Variants in CNTN3 observed in about 807,000 individuals in gnomAD.
CNTN3 encodes the protein contactin 3.
CNTN3 carries 60 observed loss-of-function variants against 119.1 expected under a neutral mutation model. The ratio of observed to expected loss-of-function variants is 0.50; its 90% CI spans 0.41 to 0.62. The LOEUF (loss-of-function observed/expected upper bound fraction) is 0.62. Among genes scored for constraint, CNTN3 ranks in the 20% least tolerant of loss-of-function variants. The pLI, the probability that CNTN3 is intolerant of heterozygous loss-of-function variation, is 0.00. For missense variants in CNTN3, 1,101 were observed against 1,242.4 expected (o/e 0.89, Z 1.71); for synonymous variants, 450 against 438.7 (o/e 1.03, Z -0.32).
intron 11 of CNTN3, among the ~76,000 whole-genome samples, chr3:74,351,191 T>C (rs1383847774): frequency 6.6e-6 from 1 of 152,212 alleles, no homozygotes; most frequent in African/African-American, 2.4e-5. Context: ...GCAGATACTT[T>C]ACACACATTA....
chr3:74,443,474 T>C (rs1701999218), intron 4 of CNTN3, among the ~76,000 whole-genome samples: 2 of 152,134 alleles, frequency 1.3e-5, no homozygotes, highest in African/African-American at 2.4e-5. Flanking sequence ...CCTCCCCTCC[T>C]TCAGTGGCTG....
intron 13 of CNTN3, among the ~76,000 whole-genome samples, chr3:74,312,815 T>C (rs1702725912): frequency 6.6e-6 from 1 of 152,092 alleles, no homozygotes; most frequent in Admixed American, 6.6e-5. Flanking sequence ...AATACATAGT[T>C]TGAAGAGACT....
chr3:74,498,274 ATTG>A (rs1388737011), intron 3 of CNTN3, among the ~76,000 whole-genome samples: 1 of 151,878 alleles, frequency 6.6e-6, no homozygotes, highest in Non-Finnish European at 1.5e-5. Flanking sequence ...GGAAAAAAAT[ATTG>A]TTAAGCTGAT....
intron 17 of CNTN3, among the ~76,000 whole-genome samples, chr3:74,298,869 C>T (rs1446927421): frequency 1.6e-5 from 2 of 127,640 alleles, no homozygotes; most frequent in Non-Finnish European, 3.2e-5. Context: ...TCCTGGGTGA[C>T]AGAGAGAGAC....
chr3:74,312,064 T>A (rs775326391), intron 13 of CNTN3, among the ~76,000 whole-genome samples: 16 of 151,578 alleles, frequency 1.1e-4, no homozygotes, highest in Non-Finnish European at 2.1e-4. Flanking sequence ...GTCCTCACAG[T>A]GAATATTGGA....
At chr3:74,369,133 T>A (rs1704273247) in intron 8 of CNTN3, 56 bp downstream of exon 8, 2 of 1,358,532 alleles carry the variant, frequency 1.5e-6, no homozygotes, top group Non-Finnish European at 2.0e-6. Context: ...ACAACCATAT[T>A]TTATAGATGA....
At chr3:74,565,355 T>C (rs1559660221) in intron 1 of CNTN3, among the ~76,000 whole-genome samples, 1 of 152,142 alleles carries the variant, frequency 6.6e-6, no homozygotes, top group Non-Finnish European at 1.5e-5. Flanking sequence ...TCAAAGCACA[T>C]CATTCCAAGC....
chr3:74,527,972 AT>A (rs1014789669), intron 1 of CNTN3, among the ~76,000 whole-genome samples: 8 of 151,828 alleles, frequency 5.3e-5, no homozygotes, highest in Admixed American at 1.3e-4. Context: ...TTTTTGGAAC[AT>A]TTTTTAAGTG....
Position 74,499,706 on chromosome 3 carries a change from T to C in CNTN3, c.135A>G (p.Lys45=), listed in dbSNP as rs1401961244. 1 of 1,611,906 alleles carries C rather than the reference T, an allele frequency of 6.2e-7. No individual in the cohort carries two copies. The highest frequency in any genetic ancestry group is 1.7e-5 in the Admixed American group (1 of 59,888). ...CTCTTGCTTCACAATGCAAAGTTATTTTTTTATCTTCTGAACCAACAGGGA... is the reference window on the plus strand; with the variant it reads ...CTCTTGCTTCACAATGCAAAGTTATCTTTTTATCTTCTGAACCAACAGGGA... ...SIFPVGSEDK[K]ITLHCEARGN... is the part of the protein sequence containing the mutation. Residue 45 remains lysine (K), a synonymous_variant, in exon 3 of 23, where the codon AAA becomes AAG. Transcript: ENST00000263665.
intron 13 of CNTN3, among the ~76,000 whole-genome samples, chr3:74,327,105 C>CT (rs1491284899): frequency 0.037 from 3,337 of 90,638 alleles, 204 homozygotes; most frequent in Non-Finnish European, 0.046. Flanking sequence ...AAGGGTTAAT[C>CT]CTTTTTTTTT....
At chr3:74,613,196 G>T (rs1705111064) in intron 1 of CNTN3, among the ~76,000 whole-genome samples, 1 of 150,820 alleles carries the variant, frequency 6.6e-6, no homozygotes, top group African/African-American at 2.4e-5. Context: ...TACAGATCAG[G>T]ATTCTTTTTC....
intron 4 of CNTN3, among the ~76,000 whole-genome samples, chr3:74,467,517 C>T (rs1160557024): frequency 6.6e-6 from 1 of 152,088 alleles, no homozygotes; most frequent in African/African-American, 2.4e-5. Context: ...TAAATAGATG[C>T]TCACACAGAA....
chr3:74,567,284 G>A (rs1004998302), intron 1 of CNTN3, among the ~76,000 whole-genome samples: 3 of 150,126 alleles, frequency 2.0e-5, no homozygotes, highest in African/African-American at 7.4e-5. Flanking sequence ...GGGACTACAG[G>A]TGCATGCCGC....
chr3:74,424,454 TTGTG>T (rs111872098), intron 5 of CNTN3, among the ~76,000 whole-genome samples: 1 of 129,572 alleles, frequency 7.7e-6, no homozygotes, highest in African/African-American at 2.8e-5. Context: ...ACTAATAAGC[TTGTG>T]TGTGTGTGTG....
rs114478190 is a variant in CNTN3, at chr3:74,466,983, C to T, written c.358+19473G>A. Among the ~76,000 whole-genome samples, 571 of 152,090 alleles carry T rather than the reference C, an allele frequency of 3.8e-3. 4 individuals are homozygous for T. The highest frequency in any genetic ancestry group is 5.9e-3 in the Non-Finnish European group (400 of 67,960). On this transcript the variant is annotated intron_variant, in intron 4 of 22. Coordinates refer to ENST00000263665, the MANE Select transcript of CNTN3 (RefSeq NM_020872.3). ...TGGGAAATTTTTATTAATAACTCTA[C>T]CAAATTAAATAACCAAAGTGATGAT... is the stretch of plus-strand genomic sequence containing the variant.
At chr3:74,552,587 T>A (rs959285397) in intron 1 of CNTN3, among the ~76,000 whole-genome samples, 2 of 152,214 alleles carry the variant, frequency 1.3e-5, no homozygotes, top group African/African-American at 4.8e-5. Context: ...ATTTTCAATC[T>A]GTAATATCTT....
intron 2 of CNTN3, among the ~76,000 whole-genome samples, chr3:74,509,237 C>A (rs528543631): frequency 6.6e-6 from 1 of 152,058 alleles, no homozygotes; most frequent in Non-Finnish European, 1.5e-5. Flanking sequence ...GTATTACACA[C>A]TTTGCATTTG....
At chr3:74,494,960 A>G (rs941957015) in intron 3 of CNTN3, among the ~76,000 whole-genome samples, 2 of 152,086 alleles carry the variant, frequency 1.3e-5, no homozygotes, top group African/African-American at 4.8e-5. Context: ...GCTTCCTAGG[A>G]GAGATGATAG....
rs548336920 is a variant in CNTN3 at position 74,307,329 on chromosome 3, T to C, written c.1669-4522A>G. ...TTTTTTGTAGTTTTACAATATCTAC[T>C]AAACTTAGCTAGGATTACTTTATTA... On this transcript the variant is annotated intron_variant, in intron 13 of 22. Coordinates refer to ENST00000263665, the MANE Select transcript of CNTN3 (RefSeq NM_020872.3). Among the ~76,000 whole-genome samples, 312 of 152,340 alleles carry C rather than the reference T, an allele frequency of 2.0e-3. 3 individuals are homozygous for C. The highest frequency in any genetic ancestry group is 7.2e-3 in the African/African-American group (298 of 41,580).
Sources: allele counts gnomAD v4.1 joint callset (sites outside exome capture counted in the v4.1 genomes callset), GRCh38; gene constraint gnomAD v4.1.1; transcripts MANE v1.5; gene names NCBI Gene and HGNC (gene_info 2026-07-23, HGNC 2026-07-21).